The following WWC2 variants were observed in gnomAD, a reference collection of about 807,000 sequenced individuals.
The protein encoded by WWC2 is protein WWC2.
Under a neutral mutation model 138.5 loss-of-function variants are expected in WWC2, and 101 were observed. The observed-to-expected ratio is 0.73, with a 90% CI of 0.62 to 0.86. The LOEUF (loss-of-function observed/expected upper bound fraction) is 0.86, where lower values mean the gene tolerates loss of function less well. Among genes scored for constraint, WWC2 ranks in the 40% least tolerant of loss-of-function variants. The pLI, the probability that WWC2 is intolerant of heterozygous loss-of-function variation, is 0.00. For missense variants in WWC2, 1,420 were observed against 1,419.4 expected (o/e 1.00, Z -0.01); for synonymous variants, 558 against 538.4 (o/e 1.04, Z -0.50).
At chr4:183,254,096 G>C in intron 9 of WWC2, 97 bp downstream of exon 9, 1 of 1,488,818 alleles carries the variant, frequency 6.7e-7, no homozygotes, top group Non-Finnish European at 8.9e-7. Context: ...AATTGCATCT[G>C]TTCTTAGTGG....
At chr4:183,220,564 G>C (rs895047163) in intron 4 of WWC2, among the ~76,000 whole-genome samples, 7 of 151,738 alleles carry the variant, frequency 4.6e-5, no homozygotes, top group Non-Finnish European at 2.9e-5. Context: ...GCCGGGCGCG[G>C]TGGCTCACGC....
At chr4:183,149,321 C>A (rs1467219112) in intron 1 of WWC2, among the ~76,000 whole-genome samples, 1 of 152,094 alleles carries the variant, frequency 6.6e-6, no homozygotes, top group African/African-American at 2.4e-5. Flanking sequence ...GTGGTTGTTT[C>A]TTTTGAAAAA....
intron 11 of WWC2, among the ~76,000 whole-genome samples, chr4:183,262,560 G>A (rs1419814820): frequency 1.3e-5 from 2 of 152,248 alleles, no homozygotes; most frequent in African/African-American, 4.8e-5. Flanking sequence ...CAAGTGCTGT[G>A]CCCTGTCAGT....
At chr4:183,222,303 A>G (rs1245218635) in intron 4 of WWC2, among the ~76,000 whole-genome samples, 1 of 149,946 alleles carries the variant, frequency 6.7e-6, no homozygotes, top group Non-Finnish European at 1.5e-5. Flanking sequence ...AAAGATTCAG[A>G]TGAATAATTA....
At chr4:183,310,162 T>C (rs1483889193) in intron 21 of WWC2, among the ~76,000 whole-genome samples, 1 of 152,156 alleles carries the variant, frequency 6.6e-6, no homozygotes, top group African/African-American at 2.4e-5. Context: ...CAAAACCCAT[T>C]GAATGTACAC....
chr4:183,273,280 T>C (rs1737752172), intron 16 of WWC2, among the ~76,000 whole-genome samples: 1 of 151,922 alleles, frequency 6.6e-6, no homozygotes, highest in Non-Finnish European at 1.5e-5. Context: ...TTTTAAACGA[T>C]GTTATTTATT....
chr4:183,304,294 G>A (rs1330230194), intron 21 of WWC2, among the ~76,000 whole-genome samples: 1 of 152,072 alleles, frequency 6.6e-6, no homozygotes, highest in Non-Finnish European at 1.5e-5. Flanking sequence ...AACCTAAACT[G>A]TAATTAACAT....
intron 16 of WWC2, among the ~76,000 whole-genome samples, chr4:183,280,229 GTTTTTTTTTTT>G (rs869235261): frequency 3.1e-5 from 2 of 65,452 alleles, no homozygotes; most frequent in East Asian, 5.7e-4. Flanking sequence ...GATAGCAGCT[GTTTTTTTTTTT>G]TTTTTTTTTT....
At chr4:183,295,253 T>C (rs1738596885) in intron 21 of WWC2, among the ~76,000 whole-genome samples, 1 of 152,224 alleles carries the variant, frequency 6.6e-6, no homozygotes, top group Non-Finnish European at 1.5e-5. Context: ...GGTATTCCAC[T>C]GCCTTAGAAG....
chr4:183,289,472 A>G lies in WWC2; in HGVS notation c.3221A>G (p.Gln1074Arg), dbSNP rs1345572197. Residue 1074 changes from glutamine (Q) to arginine (R), a missense_variant, in exon 21 of 23, where the codon CAG becomes CGG. Transcript: ENST00000403733. Reference sequence around the variant, plus strand: ...TCTCTAGACTTAGAACTGGACCTTCAGGCATCTCTGACCCGGCAGAGCCGC... The same window carrying G: ...TCTCTAGACTTAGAACTGGACCTTCGGGCATCTCTGACCCGGCAGAGCCGC... Reference protein sequence around the residue: ...RTSLDLELDLQASLTRQSRLN... With the variant: ...RTSLDLELDLRASLTRQSRLN... 1.2e-6 allele frequency: 2 copies of G among 1,613,574 alleles called. No homozygotes were observed. Among genetic ancestry groups the G allele is most frequent in the Non-Finnish European group, 8.5e-7 (1 of 1,179,716 alleles).
intron 1 of WWC2, among the ~76,000 whole-genome samples, chr4:183,179,546 G>A (rs1287248934): frequency 6.6e-6 from 1 of 151,944 alleles, no homozygotes; most frequent in Non-Finnish European, 1.5e-5. Context: ...TGTTCTGGAG[G>A]GTGAGCCTAC....
intron 15 of WWC2, chr4:183,269,398 A>G (rs972487884): frequency 4.6e-6 from 3 of 657,854 alleles, no homozygotes; most frequent in African/African-American, 1.8e-5. Flanking sequence ...GTTGCTTTCT[A>G]TTTCTACCTT....
intron 1 of WWC2, among the ~76,000 whole-genome samples, chr4:183,167,239 G>T (rs73872941): frequency 0.03 from 4,554 of 152,192 alleles, 237 homozygotes; most frequent in African/African-American, 0.1. Flanking sequence ...ACATACCTAG[G>T]AAATAATTCA....
At chr4:183,196,876 G>A (rs925776772) in intron 2 of WWC2, among the ~76,000 whole-genome samples, 4 of 152,130 alleles carry the variant, frequency 2.6e-5, no homozygotes, top group Non-Finnish European at 1.5e-5. Context: ...TTCTGGTCGA[G>A]TGCCCCATCC....
Position 183,315,721 on chromosome 4 carries a change from G to T in WWC2, c.3571G>T (p.Asp1191Tyr). The T allele has an allele frequency of 6.2e-7, 1 of 1,612,376 alleles. No individual in the cohort carries two copies. The highest frequency in any genetic ancestry group is 8.5e-7 in the Non-Finnish European group (1 of 1,178,676). Reference protein sequence around the residue: ...KISIPSLPADDV With the variant: ...KISIPSLPADYV Reference sequence around the variant, plus strand: ...AAGCATCCCATCCCTGCCAGCTGATGATGTGTGATTACATGACTTAAGAAA... The same window carrying T: ...AAGCATCCCATCCCTGCCAGCTGATTATGTGTGATTACATGACTTAAGAAA... Residue 1191 changes from aspartate (D) to tyrosine (Y), a missense_variant, in exon 23 of 23, where the codon GAT becomes TAT. Physicochemically the swap from Asp to Tyr is radical, Grantham distance 160. Coordinates refer to ENST00000403733, the MANE Select transcript of WWC2 (RefSeq NM_024949.6).
At chr4:183,163,291 C>A (rs1049677577) in intron 1 of WWC2, among the ~76,000 whole-genome samples, 1 of 152,224 alleles carries the variant, frequency 6.6e-6, no homozygotes, top group African/African-American at 2.4e-5. Flanking sequence ...CCCACACTGC[C>A]AGCTCACCCC....
At chr4:183,153,019 C>T (rs897926273) in intron 1 of WWC2, among the ~76,000 whole-genome samples, 10 of 152,062 alleles carry the variant, frequency 6.6e-5, no homozygotes, top group East Asian at 5.8e-4. Flanking sequence ...TCTCAGCCTC[C>T]GCAGTAGCTG....
chr4:183,261,386 G>A lies in WWC2; in HGVS notation c.1763G>A (p.Cys588Tyr). ...LHQFTADFED[C>Y]ELSSHFADIS... The stretch of plus-strand genomic sequence containing the variant: ...CAGTTCACTGCTGACTTTGAAGACT[G>A]TGAGTTGAGTAGCCATTTTGCAGAT... The change falls in exon 11 of 23, where the codon TGT becomes TAT. Residue 588 changes from cysteine to tyrosine, a missense_variant. By Grantham distance (194) the Cys-to-Tyr change is radical. Transcript: ENST00000403733. 1.2e-6 allele frequency: 2 copies of A among 1,613,174 alleles called. No individual in the cohort carries two copies. The highest frequency in any genetic ancestry group is 1.7e-6 in the Non-Finnish European group (2 of 1,179,570).
At chr4:183,117,678 C>T (rs1240817453) in intron 1 of WWC2, among the ~76,000 whole-genome samples, 1 of 151,864 alleles carries the variant, frequency 6.6e-6, no homozygotes, top group East Asian at 1.9e-4. Context: ...CTGTGTTGCC[C>T]AGGCTGGTCT....
Sources: gnomAD v4.1 joint callset for allele counts (sites outside exome capture counted in the v4.1 genomes callset) on GRCh38, gnomAD v4.1.1 for gene constraint, MANE v1.5 for transcripts, NCBI Gene and HGNC (gene_info 2026-07-23, HGNC 2026-07-21) for gene names.